PRKG1: variants seen among roughly 807,000 people sequenced by gnomAD.
PRKG1 encodes the protein protein kinase cGMP-dependent 1, also known as cGMP-dependent protein kinase 1.
PRKG1 carries 35 observed loss-of-function variants against 88.1 expected under a neutral mutation model. That is an observed-to-expected ratio of 0.40 (90% CI 0.30 to 0.53). The LOEUF is 0.53. Ranked by LOEUF, PRKG1 falls within the 20% of genes least tolerant of loss-of-function variation. The pLI is 0.59. For synonymous variants in PRKG1, 303 were observed against 292.5 expected (o/e 1.04, Z -0.37); for missense variants, 540 against 839.8 (o/e 0.64, Z 4.41).
chr10:51,980,314 C>T (rs1843974102), intron 5 of PRKG1, among the ~76,000 whole-genome samples: 1 of 151,876 alleles, frequency 6.6e-6, no homozygotes. Context: ...AGTCTTGATC[C>T]CTAATTTTAT....
chr10:51,250,319 A>G (rs1436953981), intron 2 of PRKG1, among the ~76,000 whole-genome samples: 1 of 151,928 alleles, frequency 6.6e-6, no homozygotes, highest in East Asian at 1.9e-4. Context: ...TCAATTTATG[A>G]CATTTGAAAG....
chr10:52,074,194 A>T (rs1846574954), intron 7 of PRKG1, among the ~76,000 whole-genome samples: 1 of 152,200 alleles, frequency 6.6e-6, no homozygotes, highest in African/African-American at 2.4e-5. Flanking sequence ...AGTTTTAAGT[A>T]AGTTGGGAAA....
At chr10:51,090,099 A>G (rs1844361036) in intron 1 of PRKG1, among the ~76,000 whole-genome samples, 1 of 152,204 alleles carries the variant, frequency 6.6e-6, no homozygotes, top group Non-Finnish European at 1.5e-5. Flanking sequence ...CCATGTTCTC[A>G]CTATAAATGA....
At chr10:51,561,234 G>C (rs1390692167) in intron 3 of PRKG1, among the ~76,000 whole-genome samples, 1 of 152,050 alleles carries the variant, frequency 6.6e-6, no homozygotes, top group Non-Finnish European at 1.5e-5. Context: ...GGAAGCTAAG[G>C]CAAGAGAATC....
chr10:51,530,149 T>C (rs572951549), intron 3 of PRKG1, among the ~76,000 whole-genome samples: 1 of 152,330 alleles, frequency 6.6e-6, no homozygotes, highest in South Asian at 2.1e-4. Context: ...AATTTAAGCT[T>C]TATGTGTCCA....
At chr10:51,992,465 C>T (rs376340016) in intron 5 of PRKG1, among the ~76,000 whole-genome samples, 70 of 152,166 alleles carry the variant, frequency 4.6e-4, no homozygotes, top group African/African-American at 1.6e-3. Flanking sequence ...AGAAAGGCAC[C>T]GGTAAGACCT....
At chr10:51,838,398 G>C (rs1360632765) in intron 4 of PRKG1, among the ~76,000 whole-genome samples, 1 of 152,100 alleles carries the variant, frequency 6.6e-6, no homozygotes, top group Non-Finnish European at 1.5e-5. Context: ...ACATTTAAAA[G>C]CCATAGAGAA....
At chr10:51,095,916 A>T (rs1029060112) in intron 1 of PRKG1, among the ~76,000 whole-genome samples, 2 of 152,186 alleles carry the variant, frequency 1.3e-5, no homozygotes, top group Non-Finnish European at 1.5e-5. Flanking sequence ...GGCTAAAAGG[A>T]TCTGGAAAAC....
intron 3 of PRKG1, among the ~76,000 whole-genome samples, chr10:51,666,855 T>C (rs970856404): frequency 1.3e-5 from 2 of 152,002 alleles, no homozygotes; most frequent in Admixed American, 6.6e-5. Context: ...AGTGCAGTGG[T>C]TCAATCTCAG....
Position 51,887,521 on chromosome 10 carries a change from A to G in PRKG1, c.699-19986A>G, listed in dbSNP as rs1218720682. Among the ~76,000 whole-genome samples, 11 of 152,290 alleles carry G rather than the reference A, an allele frequency of 7.2e-5. No homozygotes were observed. The East Asian group carries it at 1.9e-3, about 27-fold the overall frequency. On this transcript the variant is annotated intron_variant, in intron 4 of 17. Transcript: ENST00000373980. ...TTTCCCACAGTGGCTACACCACCCT[A>G]TATTCCCATCAACAGTGTATAAGAG...
chr10:51,794,300 A>G (rs2105441), intron 3 of PRKG1, among the ~76,000 whole-genome samples: 82,787 of 151,920 alleles, frequency 0.54, 23,333 homozygotes, highest in Middle Eastern at 0.63. Flanking sequence ...TGGACAGATC[A>G]TACAGACAGA....
intron 1 of PRKG1, among the ~76,000 whole-genome samples, chr10:51,016,785 C>G (rs1047233442): frequency 6.8e-6 from 1 of 147,246 alleles, no homozygotes; most frequent in Non-Finnish European, 1.5e-5. Context: ...TCTCCTGCCT[C>G]AGCCTCCCGA....
At chr10:51,226,808 A>G (rs1391240684) in intron 2 of PRKG1, among the ~76,000 whole-genome samples, 2 of 152,198 alleles carry the variant, frequency 1.3e-5, no homozygotes, top group Admixed American at 6.5e-5. Flanking sequence ...GGACTAACAG[A>G]TGGAAGTTTC....
chr10:51,698,537 C>T (rs1252256298), intron 3 of PRKG1: 3 of 1,614,010 alleles, frequency 1.9e-6, no homozygotes, highest in African/African-American at 1.3e-5. Flanking sequence ...AGTCCCTCCA[C>T]GTGGGTCATT....
chr10:51,564,268 GA>G (rs1837544482), intron 3 of PRKG1, among the ~76,000 whole-genome samples: 1 of 151,926 alleles, frequency 6.6e-6, no homozygotes, highest in African/African-American at 2.4e-5. Flanking sequence ...GTACTAATGG[GA>G]AAAAGCTAGA....
chr10:52,190,572 C>T (rs945130471), intron 9 of PRKG1, among the ~76,000 whole-genome samples: 21 of 152,096 alleles, frequency 1.4e-4, no homozygotes, highest in African/African-American at 4.6e-4. Context: ...CCTGATTTTA[C>T]AGATTCAGAA....
intron 3 of PRKG1, among the ~76,000 whole-genome samples, chr10:51,611,575 A>C (rs1249954539): frequency 5.3e-5 from 8 of 150,702 alleles, no homozygotes; most frequent in South Asian, 4.2e-4. Context: ...CCGTTTCAAG[A>C]GGTTGCCCCT....
chr10:51,143,291 G>A (rs375080430), intron 1 of PRKG1, among the ~76,000 whole-genome samples: 1 of 152,028 alleles, frequency 6.6e-6, no homozygotes, highest in East Asian at 1.9e-4. Context: ...GTTCAACCAT[G>A]TTGTTGTAAA....
chr10:51,115,372 C>CATATAT (rs57104400), intron 1 of PRKG1, among the ~76,000 whole-genome samples: 22 of 31,924 alleles, frequency 6.9e-4, no homozygotes, highest in Admixed American at 6.8e-3. Context: ...TTCCTTTAAA[C>CATATAT]ATATATATAT....
Sources: allele counts gnomAD v4.1 joint callset (sites outside exome capture counted in the v4.1 genomes callset), GRCh38; gene constraint gnomAD v4.1.1; transcripts MANE v1.5; gene names NCBI Gene and HGNC (gene_info 2026-07-23, HGNC 2026-07-21).